QTGAL: variants seen among roughly 807,000 people sequenced by gnomAD.
QTGAL encodes the protein queuosine-tRNA galactosyltransferase.
At chr17:82,947,363 A>C in the QTGAL span, 1 of 216,886 alleles carries the variant, frequency 4.6e-6, no homozygotes, top group South Asian at 1.6e-4. Context: ...CAGGAGTGGG[A>C]GGAGGCCCCT....
the QTGAL span, among the ~76,000 whole-genome samples, chr17:82,958,928 T>TGTGTGTGTGTACACTGGGGGTGTATG: frequency 7.2e-5 from 1 of 13,842 alleles, no homozygotes; most frequent in African/African-American, 5.3e-4. Context: ...GTGTATGGTG[T>TGTGTGTGTGTACACTGGGGGTGTATG]GTGTGTGTGT....
At chr17:82,996,392 C>T in the QTGAL span, among the ~76,000 whole-genome samples, 1 of 151,902 alleles carries the variant, frequency 6.6e-6, no homozygotes, top group Non-Finnish European at 1.5e-5. Context: ...TATGGTGGTG[C>T]GCACCTGTAG....
chr17:83,033,685 A>G, the QTGAL span, among the ~76,000 whole-genome samples: 1 of 151,748 alleles, frequency 6.6e-6, no homozygotes, highest in Non-Finnish European at 1.5e-5. Flanking sequence ...GTTAGCCAGG[A>G]TGGTCTCAAT....
At chr17:82,963,609 T>C in the QTGAL span, among the ~76,000 whole-genome samples, 1 of 151,946 alleles carries the variant, frequency 6.6e-6, no homozygotes. Context: ...GGGTGGGATA[T>C]GCGGGGAGGT....
chr17:82,998,564 C>A, the QTGAL span, among the ~76,000 whole-genome samples: 1 of 152,166 alleles, frequency 6.6e-6, no homozygotes, highest in Non-Finnish European at 1.5e-5. Context: ...CCAGGATGGT[C>A]TCAACTGCCT....
chr17:83,021,636 C>G, the QTGAL span, among the ~76,000 whole-genome samples: 1 of 152,112 alleles, frequency 6.6e-6, no homozygotes, highest in South Asian at 2.1e-4. Context: ...GCAGGCTTGA[C>G]CAGTTCATTC....
At chr17:83,033,504 C>T in the QTGAL span, among the ~76,000 whole-genome samples, 1 of 151,116 alleles carries the variant, frequency 6.6e-6, no homozygotes, top group Admixed American at 6.6e-5. Context: ...CAGAGTCCCG[C>T]TCTGTCGCCC....
chr17:83,038,419 T>C, the QTGAL span, among the ~76,000 whole-genome samples: 3 of 152,322 alleles, frequency 2.0e-5, no homozygotes, highest in African/African-American at 4.8e-5. Context: ...AGCTAATCTA[T>C]AAAAAGTACT....
the QTGAL span, among the ~76,000 whole-genome samples, chr17:82,964,700 A>G: frequency 7.3e-6 from 1 of 136,954 alleles, no homozygotes; most frequent in African/African-American, 2.8e-5. Flanking sequence ...AGACGCCTGC[A>G]GGTGCACCCC....
the QTGAL span, among the ~76,000 whole-genome samples, chr17:82,958,985 ATGG>A: frequency 1.8e-3 from 91 of 49,336 alleles, 7 homozygotes; most frequent in South Asian, 5.3e-3. Context: ...GTGGGGGTGT[ATGG>A]TGTGTGTGTG....
chr17:82,956,798 C>T, the QTGAL span: 8 of 1,559,600 alleles, frequency 5.1e-6, no homozygotes, highest in African/African-American at 6.8e-5. The surrounding 1 kb of genome is among the most constrained non-coding windows in gnomAD (Gnocchi z 5.7). Flanking sequence ...ATCAGTCCTG[C>T]CCGAGCCTGG....
the QTGAL span, among the ~76,000 whole-genome samples, chr17:82,982,235 C>A: frequency 6.6e-5 from 10 of 151,230 alleles, no homozygotes; most frequent in African/African-American, 2.4e-4. Flanking sequence ...CTTGCTGTCC[C>A]GGGTGTCAGT....
At chr17:83,011,272 T>C in the QTGAL span, among the ~76,000 whole-genome samples, 1 of 152,240 alleles carries the variant, frequency 6.6e-6, no homozygotes, top group African/African-American at 2.4e-5. Flanking sequence ...TTCCCTGTTC[T>C]TGCTAACCTT....
At chr17:83,009,868 G>C in the QTGAL span, among the ~76,000 whole-genome samples, 782 of 151,794 alleles carry the variant, frequency 5.2e-3, 6 homozygotes, top group African/African-American at 0.018. Flanking sequence ...GAAACCAGTT[G>C]CATTTTTGAC....
the QTGAL span, among the ~76,000 whole-genome samples, chr17:83,044,204 G>A: frequency 6.6e-6 from 1 of 152,128 alleles, no homozygotes; most frequent in African/African-American, 2.4e-5. Context: ...CAGGCCAATA[G>A]CCCTTACAAA....
the QTGAL span, chr17:82,957,474 C>T: frequency 2.9e-5 from 47 of 1,606,914 alleles, no homozygotes; most frequent in African/African-American, 8.0e-5. Context: ...GAAGCGGACG[C>T]GGTGGGTCCA....
the QTGAL span, among the ~76,000 whole-genome samples, chr17:82,997,913 A>T: frequency 8.7e-6 from 1 of 114,742 alleles, no homozygotes; most frequent in African/African-American, 4.1e-5. Context: ...GGGAAGGTTA[A>T]TGGGTTTAAA....
At chr17:82,982,476 G>A in the QTGAL span, among the ~76,000 whole-genome samples, 45 of 129,012 alleles carry the variant, frequency 3.5e-4, no homozygotes, top group Non-Finnish European at 5.1e-4. Context: ...AGGGCCTCAC[G>A]GAGATCCTCT....
chr17:82,945,427 G>C, the QTGAL span: 1 of 152,218 alleles, frequency 6.6e-6, no homozygotes, highest in Non-Finnish European at 1.5e-5. Context: ...CTGCAGAACT[G>C]TAAGAAGGAC....
Sources: allele counts gnomAD v4.1 joint callset (sites outside exome capture counted in the v4.1 genomes callset), GRCh38; gene constraint gnomAD v4.1.1; non-coding constraint Gnocchi (gnomAD v3.1); transcripts MANE v1.5; gene names NCBI Gene and HGNC (gene_info 2026-07-23, HGNC 2026-07-21).